Variants in PREX2 observed in about 807,000 individuals in gnomAD.
PREX2 encodes the protein phosphatidylinositol-3,4,5-trisphosphate dependent Rac exchange factor 2.
A neutral mutation model predicts 203.2 loss-of-function variants in PREX2; 107 were observed. That is an observed-to-expected ratio of 0.53 (90% CI 0.45 to 0.62). The LOEUF (loss-of-function observed/expected upper bound fraction) is 0.62. Among genes scored for constraint, PREX2 ranks in the 20% least tolerant of loss-of-function variants. The pLI is 0.00. For missense variants in PREX2, 1,777 were observed against 1,955.9 expected, an observed-to-expected ratio of 0.91 and a Z score of 1.72; for synonymous variants, 672 against 663.6, an observed-to-expected ratio of 1.01 and a Z score of -0.19.
At chr8:68,167,560 T>C (rs559678696) in intron 35 of PREX2, among the ~76,000 whole-genome samples, 2 of 152,236 alleles carry the variant, frequency 1.3e-5, no homozygotes, top group Admixed American at 1.3e-4. Context: ...CCTGAACTCC[T>C]GACCTCAGGT....
chr8:68,106,625 G>A (rs780865096), intron 23 of PREX2, among the ~76,000 whole-genome samples: 43 of 151,846 alleles, frequency 2.8e-4, no homozygotes, highest in Non-Finnish European at 3.8e-4. Flanking sequence ...TAATCTACAC[G>A]TATACATATA....
At chr8:68,032,565 C>T (rs1051422876) in intron 6 of PREX2, among the ~76,000 whole-genome samples, 1 of 152,152 alleles carries the variant, frequency 6.6e-6, no homozygotes, top group African/African-American at 2.4e-5. Flanking sequence ...AGCCCACCAC[C>T]CCATCGAGGG....
chr8:68,130,202 A>T (rs1182717869), intron 31 of PREX2, among the ~76,000 whole-genome samples: 1 of 151,826 alleles, frequency 6.6e-6, no homozygotes, highest in Non-Finnish European at 1.5e-5. Context: ...AGGTAGGAGG[A>T]TCTCTTGAGC....
intron 9 of PREX2, 149 bp downstream of exon 9, chr8:68,053,395 T>C: frequency 1.3e-6 from 1 of 774,616 alleles, no homozygotes; most frequent in Non-Finnish European, 2.1e-6. Context: ...GTTTTGACAT[T>C]GAAAGCAATT....
intron 1 of PREX2, among the ~76,000 whole-genome samples, chr8:67,987,236 T>TC (rs111413452): frequency 5.6e-4 from 85 of 152,192 alleles, no homozygotes; most frequent in African/African-American, 1.9e-3. Context: ...GTCATTGTTT[T>TC]CATTTTTTTG....
At position 68,120,319 on chromosome 8, in the gene PREX2, T is replaced by G. The variant is rs761144347; in HGVS notation, c.3595+33T>G. The G allele has an allele frequency of 2.0e-6, 3 of 1,471,124 alleles. No homozygotes were observed. The South Asian group carries it at 3.4e-5, about 17-fold the overall frequency. The allele number at this position is 1,471,124 out of a possible 1,614,324, so 91.1% of individuals were successfully genotyped here. On this transcript the variant is annotated intron_variant, in intron 29 of 39. Coordinates refer to ENST00000288368, the MANE Select transcript of PREX2 (RefSeq NM_024870.4). ...TTGAAAAATTAACTAGTAGAAGCAA[T>G]TGAGAAAAACAAGGTGGTAGACAAT...
chr8:68,102,103 A>G (rs1330804059), intron 23 of PREX2, among the ~76,000 whole-genome samples: 1 of 152,208 alleles, frequency 6.6e-6, no homozygotes, highest in Non-Finnish European at 1.5e-5. Context: ...GTTAGATGAT[A>G]AAAATAATGT....
At chr8:68,196,233 A>C (rs1447324179) in intron 37 of PREX2, among the ~76,000 whole-genome samples, 1 of 151,550 alleles carries the variant, frequency 6.6e-6, no homozygotes, top group Admixed American at 6.6e-5. Flanking sequence ...TGAGTTGATC[A>C]GATTTTTGCC....
At chr8:68,018,342 G>A (rs539412388) in intron 2 of PREX2, among the ~76,000 whole-genome samples, 71 of 152,102 alleles carry the variant, frequency 4.7e-4, no homozygotes, top group Admixed American at 3.1e-3. Flanking sequence ...TAGCACATGC[G>A]TGTAATCCTA....
chr8:68,196,392 A>G (rs1485311693), intron 37 of PREX2, among the ~76,000 whole-genome samples: 1 of 148,064 alleles, frequency 6.8e-6, no homozygotes, highest in Non-Finnish European at 1.5e-5. Context: ...TCAACAACAC[A>G]CATCTGAACA....
chr8:68,193,929 T>C (rs1812344719), intron 37 of PREX2, among the ~76,000 whole-genome samples: 1 of 152,170 alleles, frequency 6.6e-6, no homozygotes, highest in Non-Finnish European at 1.5e-5. Flanking sequence ...ATGGCAAGAG[T>C]ATTTCTCTTA....
chr8:68,044,429 T>C, intron 7 of PREX2, 58 bp from the exon 8 acceptor site: 1 of 1,229,020 alleles, frequency 8.1e-7, no homozygotes, highest in Admixed American at 1.8e-5. Flanking sequence ...ATATATTGTT[T>C]TGACATTGTT....
At chr8:68,008,661 C>G (rs1807172402) in intron 1 of PREX2, among the ~76,000 whole-genome samples, 1 of 152,118 alleles carries the variant, frequency 6.6e-6, no homozygotes, top group Non-Finnish European at 1.5e-5. Context: ...CACATAATCC[C>G]CATGTGTTAT....
chr8:67,969,907 GAGTT>G (rs960975750), intron 1 of PREX2, among the ~76,000 whole-genome samples: 3 of 152,206 alleles, frequency 2.0e-5, no homozygotes, highest in African/African-American at 7.2e-5. Flanking sequence ...AAAAGGAAGA[GAGTT>G]AGAGAATCTT....
intron 22 of PREX2, among the ~76,000 whole-genome samples, chr8:68,098,938 GTATATATATATATATATATA>G (rs71253061): frequency 1.4e-4 from 15 of 109,820 alleles, no homozygotes; most frequent in South Asian, 6.2e-4. Context: ...ATATATATGT[GTATATATATATATATATATA>G]TATATATATA....
intron 23 of PREX2, chr8:68,103,476 G>T (rs374395133): frequency 4.0e-6 from 2 of 501,658 alleles, no homozygotes; most frequent in East Asian, 1.1e-4. Flanking sequence ...TTGTTTATTC[G>T]TGTCAGCGTA....
chr8:67,981,220 G>A (rs1171771720), intron 1 of PREX2, among the ~76,000 whole-genome samples: 4 of 152,198 alleles, frequency 2.6e-5, no homozygotes, highest in Admixed American at 1.3e-4. Flanking sequence ...GATAAAAGAA[G>A]CGAATGTCTT....
intron 26 of PREX2, 130 bp downstream of exon 26, chr8:68,116,062 A>G (rs1810651909): frequency 1.4e-6 from 1 of 721,812 alleles, no homozygotes; most frequent in Non-Finnish European, 2.3e-6. Flanking sequence ...ATCACCTGTT[A>G]CTACCGACCT....
intron 35 of PREX2, among the ~76,000 whole-genome samples, chr8:68,169,846 G>A (rs570654585): frequency 1.5e-3 from 233 of 152,192 alleles, no homozygotes; most frequent in Admixed American, 3.3e-3. Context: ...TATTTATCCA[G>A]TCGATGTTCA....
Sources: allele counts gnomAD v4.1 joint callset (sites outside exome capture counted in the v4.1 genomes callset), GRCh38; gene constraint gnomAD v4.1.1; transcripts MANE v1.5; gene names NCBI Gene and HGNC (gene_info 2026-07-23, HGNC 2026-07-21).